DNAH8: variants seen among roughly 807,000 people sequenced by gnomAD.
The protein encoded by DNAH8 is axonemal beta dynein heavy chain 8.
Under a neutral mutation model 562.1 loss-of-function variants are expected in DNAH8, and 382 were observed. That is an observed-to-expected ratio of 0.68 (90% CI 0.63 to 0.74). The LOEUF (loss-of-function observed/expected upper bound fraction) is 0.74. Among genes scored for constraint, DNAH8 ranks in the 30% least tolerant of loss-of-function variants. The pLI is 0.00. For synonymous variants in DNAH8, 1,881 were observed against 1,919.4 expected, an observed-to-expected ratio of 0.98 and a Z score of 0.52; for missense variants, 5,203 against 5,620.4, an observed-to-expected ratio of 0.93 and a Z score of 2.37.
intron 68 of DNAH8, 139 bp from the exon 69 acceptor site, chr6:38,917,100 C>A: frequency 5.4e-6 from 3 of 553,452 alleles, no homozygotes; most frequent in Non-Finnish European, 8.9e-6. Context: ...AATGAAAGAG[C>A]CACTAAGCAA....
chr6:38,807,806 A>C, intron 24 of DNAH8, 90 bp downstream of exon 24: 1 of 569,856 alleles, frequency 1.8e-6, no homozygotes, highest in South Asian at 7.8e-5. Context: ...AAAAACTATA[A>C]AATTTAAAAT....
At chr6:38,864,262 C>T (rs1776872963) in intron 45 of DNAH8, among the ~76,000 whole-genome samples, 1 of 151,852 alleles carries the variant, frequency 6.6e-6, no homozygotes, top group African/African-American at 2.4e-5. Flanking sequence ...AATTCAGATC[C>T]AGACCTACAG....
At chr6:39,021,673 C>T (rs945667218) in intron 91 of DNAH8, among the ~76,000 whole-genome samples, 5 of 152,192 alleles carry the variant, frequency 3.3e-5, no homozygotes, top group South Asian at 2.1e-4. Context: ...GTCTTAAACT[C>T]GTGGCAGGAA....
chr6:38,731,176 A>G (rs770446174), intron 4 of DNAH8, among the ~76,000 whole-genome samples: 13 of 152,200 alleles, frequency 8.5e-5, no homozygotes, highest in Non-Finnish European at 1.8e-4. Flanking sequence ...TGTGTGGTCT[A>G]TATTTTTATA....
At chr6:38,957,914 A>G (rs908463668) in intron 82 of DNAH8, among the ~76,000 whole-genome samples, 2 of 150,382 alleles carry the variant, frequency 1.3e-5, no homozygotes, top group African/African-American at 4.9e-5. Context: ...CTAATGTTGC[A>G]TCTCAAGGAA....
Position 38,781,333 on chromosome 6 carries a change from A to G in DNAH8, c.2219A>G (p.Gln740Arg). 6.2e-7 allele frequency: 1 copy of G among 1,613,890 alleles called. No individual in the cohort carries two copies. The highest frequency in any genetic ancestry group is 8.5e-7 in the Non-Finnish European group (1 of 1,179,870). Residue 740 changes from glutamine (Q) to arginine (R), a missense_variant, in exon 16 of 93, where the codon CAG (glutamine) becomes CGG (arginine). By Grantham distance (43) the Gln-to-Arg change is conservative. Coordinates refer to ENST00000327475, the MANE Select transcript of DNAH8 (RefSeq NM_001206927.2). ...GCAGGAAAAATACTCTGGGTGAGGC[A>G]GCTCTATCGCCGGATAAGTGAGCCC... is the stretch of plus-strand genomic sequence containing the variant. ...PIAGKILWVR[Q>R]LYRRISEPIN... is the part of the protein sequence containing the mutation.
chr6:38,750,424 C>G (rs1274850946), intron 8 of DNAH8, 52 bp from the exon 9 acceptor site: 48 of 1,219,030 alleles, frequency 3.9e-5, no homozygotes, highest in Non-Finnish European at 5.6e-5. Context: ...TAAACTTTAG[C>G]ACACTGATAT....
chr6:38,763,447 AAAG>A (rs1766709461), intron 11 of DNAH8: 1 of 318,098 alleles, frequency 3.1e-6, no homozygotes, highest in African/African-American at 2.2e-5. Flanking sequence ...TCAAAGAAAG[AAAG>A]AAGAAATGAA....
chr6:38,728,956 G>T (rs557010386), intron 3 of DNAH8, among the ~76,000 whole-genome samples: 1 of 152,006 alleles, frequency 6.6e-6, no homozygotes, highest in Admixed American at 6.6e-5. Context: ...CTATAATCCC[G>T]GCATTTTGGG....
At chr6:38,782,768 C>G (rs542284643) in intron 16 of DNAH8, among the ~76,000 whole-genome samples, 1 of 151,488 alleles carries the variant, frequency 6.6e-6, no homozygotes, top group Non-Finnish European at 1.5e-5. Flanking sequence ...GGCTGGAGGC[C>G]TCTCTCTTTC....
At chr6:38,939,234 A>G (rs1783239168) in intron 79 of DNAH8, among the ~76,000 whole-genome samples, 1 of 152,188 alleles carries the variant, frequency 6.6e-6, no homozygotes, top group African/African-American at 2.4e-5. Flanking sequence ...AACTACATTC[A>G]GTTTATTCAC....
chr6:38,860,674 T>C (rs1427890755), intron 43 of DNAH8, 45 bp downstream of exon 43: 1 of 1,361,886 alleles, frequency 7.3e-7, no homozygotes, highest in Non-Finnish European at 9.9e-7. Flanking sequence ...TTTTAAAATG[T>C]GCATAACATT....
chr6:39,030,601 C>A lies in DNAH8; in HGVS notation c.*209C>A. 2.0e-6 allele frequency: 1 copy of A among 508,150 alleles called. No individual in the cohort carries two copies. 31.5% of individuals were successfully genotyped at this position (508,150 alleles called of 1,614,324 possible). ...TAACTCTAAATGAATGTTTTTTATT[C>A]TGGGAAATCATATTTCACTATAATT... On this transcript the variant is annotated 3_prime_UTR_variant, in exon 93 of 93. Transcript: ENST00000327475.
intron 82 of DNAH8, 76 bp from the exon 83 acceptor site, chr6:38,971,516 T>C (rs1283586854): frequency 1.1e-6 from 1 of 920,724 alleles, no homozygotes; most frequent in Non-Finnish European, 1.6e-6. Context: ...CTATAATCAT[T>C]CAGAAATTAA....
intron 66 of DNAH8, among the ~76,000 whole-genome samples, chr6:38,912,277 A>G (rs1164624631): frequency 6.6e-6 from 1 of 152,174 alleles, no homozygotes; most frequent in Non-Finnish European, 1.5e-5. Context: ...AGCCTGGGCA[A>G]CATGGTGAAA....
chr6:38,998,624 T>C (rs960676731), intron 88 of DNAH8, among the ~76,000 whole-genome samples: 1 of 152,214 alleles, frequency 6.6e-6, no homozygotes, highest in African/African-American at 2.4e-5. Context: ...AAATCTAGAC[T>C]GATTTGGATA....
At chr6:39,015,799 G>A (rs1019581384) in intron 91 of DNAH8, among the ~76,000 whole-genome samples, 12 of 152,054 alleles carry the variant, frequency 7.9e-5, no homozygotes, top group African/African-American at 2.9e-4. Context: ...CTGCTTTCAA[G>A]TTAGACTTTG....
intron 1 of DNAH8, among the ~76,000 whole-genome samples, chr6:38,715,954 A>ATTT (rs1410399802): frequency 1.1e-4 from 4 of 37,524 alleles, no homozygotes; most frequent in African/African-American, 3.4e-4. Flanking sequence ...ATATATATAT[A>ATTT]TATATATTTT....
At chr6:38,761,994 C>A (rs1426165384) in intron 11 of DNAH8, among the ~76,000 whole-genome samples, 191 bp downstream of exon 11, 3 of 152,002 alleles carry the variant, frequency 2.0e-5, no homozygotes, top group African/African-American at 7.3e-5. Flanking sequence ...AAATTTAATT[C>A]TCATCTCCTC....
Sources: allele counts gnomAD v4.1 joint callset (sites outside exome capture counted in the v4.1 genomes callset), GRCh38; gene constraint gnomAD v4.1.1; transcripts MANE v1.5; gene names NCBI Gene and HGNC (gene_info 2026-07-23, HGNC 2026-07-21).